The following GLB1L2 variants were observed in gnomAD, a reference collection of about 807,000 sequenced individuals.
The protein encoded by GLB1L2 is galactosidase beta 1 like 2.
In GLB1L2, 68 loss-of-function variants were observed where a neutral mutation model predicts 84.1. The ratio of observed to expected loss-of-function variants is 0.81; its 90% CI spans 0.67 to 0.99. GLB1L2 has a LOEUF of 0.99. Among genes scored for constraint, GLB1L2 ranks in the 50% least tolerant of loss-of-function variants. The pLI is 0.00. For missense variants in GLB1L2, 762 were observed against 805.6 expected, an observed-to-expected ratio of 0.95 and a Z score of 0.66; for synonymous variants, 290 against 318.0, an observed-to-expected ratio of 0.91 and a Z score of 0.94.
chr11:134,347,170 C>T, intron 4 of GLB1L2, 155 bp from the exon 5 acceptor site: 1 of 674,982 alleles, frequency 1.5e-6, no homozygotes, highest in Non-Finnish European at 2.7e-6. Context: ...AATCGGTTTG[C>T]ATTGTCTCCC....
rs768464572 is a variant in GLB1L2, at chr11:134,356,266, C to T, written c.559-35C>T. ...GGTTGGATACTACAGTTCCCCTGCA[C>T]ACTCAGCTCCTGGTTTTCTGTCTTT... On this transcript the variant is annotated intron_variant, in intron 5 of 18. Coordinates refer to ENST00000535456, the MANE Select transcript of GLB1L2 (RefSeq NM_001370461.1). 3 of 1,552,466 alleles carry T rather than the reference C, an allele frequency of 1.9e-6. No homozygotes were observed. The Admixed American group carries it at 5.0e-5, about 26-fold the overall frequency.
intron 5 of GLB1L2, among the ~76,000 whole-genome samples, chr11:134,355,845 T>C (rs1022933145): frequency 3.3e-5 from 5 of 152,176 alleles, no homozygotes; most frequent in African/African-American, 1.2e-4. Flanking sequence ...AGTTAGAACA[T>C]CGTGAACAAG....
chr11:134,332,065 A>C lies in GLB1L2; in HGVS notation c.4A>C (p.Thr2Pro). M[T>P]TWSLRRRPAR... is the part of the protein sequence containing the mutation. The stretch of plus-strand genomic sequence containing the variant: ...CCCCGCGCTTAGAGAACACGCGATG[A>C]CCACGTGGAGCCTCCGGCGGAGGCC... Residue 2 changes from threonine to proline, a missense_variant, in exon 1 of 19, where the codon ACC becomes CCC. Around this residue, in one of 3 missense-constraint regions of GLB1L2, gnomAD observed 100 missense variants for 88.8 expected, o/e 1.13. Transcript: ENST00000535456. 6.3e-7 allele frequency: 1 copy of C among 1,574,932 alleles called. No individual in the cohort carries two copies. The highest frequency in any genetic ancestry group is 8.6e-7 in the Non-Finnish European group (1 of 1,162,124).
At chr11:134,369,206 A>G (rs917772962) in intron 10 of GLB1L2, among the ~76,000 whole-genome samples, 2 of 152,098 alleles carry the variant, frequency 1.3e-5, no homozygotes, top group African/African-American at 4.8e-5. Context: ...GTTTTTTTGA[A>G]TTTGTGAGAG....
chr11:134,356,467 G>T, intron 6 of GLB1L2, 74 bp downstream of exon 6: 1 of 1,017,062 alleles, frequency 9.8e-7, no homozygotes, highest in Non-Finnish European at 1.5e-6. Flanking sequence ...GTGACATGTG[G>T]GTCTAATATT....
At chr11:134,363,866 T>A (rs759644318) in intron 7 of GLB1L2, among the ~76,000 whole-genome samples, 3 of 152,206 alleles carry the variant, frequency 2.0e-5, no homozygotes, top group Non-Finnish European at 4.4e-5. Context: ...CCTGGCGTCC[T>A]GGCTGACTTA....
intron 8 of GLB1L2, 102 bp from the exon 9 acceptor site, chr11:134,367,155 A>G (rs1943876401): frequency 1.0e-6 from 1 of 987,926 alleles, no homozygotes; most frequent in Admixed American, 2.0e-5. Context: ...CAGACAGGGA[A>G]GAGTAGAGAG....
intron 15 of GLB1L2, 36 bp downstream of exon 15, chr11:134,371,866 T>G: frequency 3.2e-6 from 5 of 1,575,362 alleles, no homozygotes; most frequent in Non-Finnish European, 4.4e-6. Flanking sequence ...AGAGTGGCCA[T>G]GCTGGACACA....
chr11:134,332,203 A>C lies in GLB1L2; in HGVS notation c.86+56A>C. 7 of 1,282,906 alleles carry C rather than the reference A, an allele frequency of 5.5e-6. No individual in the cohort carries two copies. The South Asian group carries it at 9.5e-5, about 17-fold the overall frequency. The allele number at this position is 1,282,906 out of a possible 1,614,324, so 79.5% of individuals were successfully genotyped here. A position where few individuals can be genotyped will look rare whatever the true frequency, so the allele number is the denominator to read the frequency against. ...GACCCCACATTCCCCAGCCCTCCGC[A>C]CCTCGGGTTCTCTCCTCCCGCGACC... On this transcript the variant is annotated intron_variant, in intron 1 of 18. Coordinates refer to ENST00000535456, the MANE Select transcript of GLB1L2 (RefSeq NM_001370461.1).
chr11:134,347,783 C>T (rs956239667), intron 5 of GLB1L2, among the ~76,000 whole-genome samples: 2 of 152,148 alleles, frequency 1.3e-5, no homozygotes, highest in Admixed American at 1.3e-4. Flanking sequence ...TAGCCGGGAA[C>T]ACCCATCTAT....
intron 6 of GLB1L2, among the ~76,000 whole-genome samples, chr11:134,356,921 C>T (rs564440526): frequency 6.6e-6 from 1 of 152,360 alleles, no homozygotes; most frequent in East Asian, 1.9e-4. Context: ...GATCTGCTTT[C>T]TGTCCCTTAG....
In GLB1L2 at chr11:134,373,751, C is replaced by G. The variant is rs770693143; in HGVS notation, c.1538C>G (p.Ser513Ter). ...GLIGNLYLND[S>*]PLKNFRIYSL... ...ATTGGAAATCTCTATCTGAATGATTCACCCCTGAAAAACTTCAGAATCTAT... is the reference window on the plus strand; with the variant it reads ...ATTGGAAATCTCTATCTGAATGATTGACCCCTGAAAAACTTCAGAATCTAT... Residue 513 changes from serine to a stop codon, truncating the protein, a stop_gained, in exon 16 of 19, where the codon TCA becomes TGA. Coordinates refer to ENST00000535456, the MANE Select transcript of GLB1L2 (RefSeq NM_001370461.1). LOFTEE classifies it high-confidence loss of function. 6.2e-7 allele frequency: 1 copy of G among 1,612,884 alleles called. No homozygotes were observed. Among genetic ancestry groups the G allele is most frequent in the Non-Finnish European group, 8.5e-7 (1 of 1,178,980 alleles).
In GLB1L2 at chr11:134,368,789, T is replaced by G. The variant is rs562525799; in HGVS notation, c.1027+8T>G. 1 of 1,613,388 alleles carries G rather than the reference T, an allele frequency of 6.2e-7. No individual in the cohort carries two copies. The highest frequency in any genetic ancestry group is 1.7e-5 in the Admixed American group (1 of 60,008). On this transcript the variant is annotated splice_region_variant and intron_variant, in intron 10 of 18. Transcript: ENST00000535456. ...CAGATGTCACCAGCTATGGCAAGTATTCATCAGCACTGCTCTCCCTGGTCT... is the reference window on the plus strand; with the variant it reads ...CAGATGTCACCAGCTATGGCAAGTAGTCATCAGCACTGCTCTCCCTGGTCT...
Position 134,370,159 on chromosome 11 carries a change from A to C in GLB1L2, c.1109-134A>C. ...TCCTCCCTGGCCTCAGCAGGTGCTG[A>C]GAGCTAGCCTGTTGTTCCTCTTGGT... On this transcript the variant is annotated intron_variant, in intron 11 of 18. Coordinates refer to ENST00000535456, the MANE Select transcript of GLB1L2 (RefSeq NM_001370461.1). The surrounding 1 kb of genome is among the most constrained non-coding windows in gnomAD (Gnocchi z 4.7). 1 of 815,694 alleles carries C rather than the reference A, an allele frequency of 1.2e-6. No homozygotes were observed. The highest frequency in any genetic ancestry group is 2.1e-6 in the Non-Finnish European group (1 of 478,486). 50.5% of individuals were successfully genotyped at this position (815,694 alleles called of 1,614,324 possible).
At chr11:134,366,857 G>C (rs370605582) in intron 8 of GLB1L2, among the ~76,000 whole-genome samples, 5 of 152,064 alleles carry the variant, frequency 3.3e-5, no homozygotes, top group Admixed American at 1.3e-4. Context: ...CCCAGGGTGG[G>C]GGGGAGGGAT....
chr11:134,358,208 C>T (rs1379609246), intron 6 of GLB1L2, among the ~76,000 whole-genome samples: 1 of 152,224 alleles, frequency 6.6e-6, no homozygotes, highest in African/African-American at 2.4e-5. Flanking sequence ...CGAGAAGACA[C>T]CTCTGTTGGG....
chr11:134,371,874 A>G, intron 15 of GLB1L2, 44 bp downstream of exon 15: 2 of 1,574,112 alleles, frequency 1.3e-6, no homozygotes. Context: ...CATGCTGGAC[A>G]CACAGGTGGC....
intron 1 of GLB1L2, among the ~76,000 whole-genome samples, chr11:134,340,241 C>T (rs2136259807): frequency 6.6e-6 from 1 of 152,194 alleles, no homozygotes. Flanking sequence ...GGAATGATTG[C>T]TAAGTTGTAT....
intron 14 of GLB1L2, 30 bp downstream of exon 14, chr11:134,371,522 C>T: frequency 5.3e-6 from 7 of 1,319,738 alleles, no homozygotes; most frequent in Non-Finnish European, 7.7e-6. Flanking sequence ...TGGGTGATGG[C>T]TAGCCCCCGC....
Sources: gnomAD v4.1 joint callset for allele counts (sites outside exome capture counted in the v4.1 genomes callset) on GRCh38, gnomAD v4.1.1 for gene constraint, gnomAD v4.1.1 regional missense constraint, Gnocchi (gnomAD v3.1) non-coding constraint, MANE v1.5 for transcripts, NCBI Gene and HGNC (gene_info 2026-07-23, HGNC 2026-07-21) for gene names.